Variants in CNBD1 observed in about 807,000 individuals in gnomAD.
CNBD1 encodes cyclic nucleotide binding domain containing 1.
Under a neutral mutation model 54.4 loss-of-function variants are expected in CNBD1, and 71 were observed. That is an observed-to-expected ratio of 1.30 (90% CI 1.08 to 1.59). CNBD1 has a LOEUF of 1.59. CNBD1 is among the 40% of genes most tolerant of loss of function. The pLI is 0.00. For missense variants in CNBD1, 659 were observed against 518.0 expected (o/e 1.27, Z -2.64); for synonymous variants, 182 against 170.7 (o/e 1.07, Z -0.51).
chr8:87,017,015 C>A (rs1809370817), intron 4 of CNBD1, among the ~76,000 whole-genome samples: 1 of 152,050 alleles, frequency 6.6e-6, no homozygotes, highest in Non-Finnish European at 1.5e-5. Context: ...ACATGGGTAC[C>A]CCTCCCACAG....
At chr8:87,022,128 A>G (rs1460257559) in intron 4 of CNBD1, among the ~76,000 whole-genome samples, 2 of 152,192 alleles carry the variant, frequency 1.3e-5, no homozygotes, top group African/African-American at 4.8e-5. Flanking sequence ...AAAAGAATTT[A>G]CTGAAACAGC....
intron 8 of CNBD1, among the ~76,000 whole-genome samples, chr8:87,318,856 A>G (rs1809459047): frequency 6.6e-6 from 1 of 152,088 alleles, no homozygotes; most frequent in South Asian, 2.1e-4. Context: ...ACACCTTAGC[A>G]TACTCTTTCT....
At chr8:87,013,442 GTTTAC>G (rs775242536) in intron 4 of CNBD1, among the ~76,000 whole-genome samples, 19 of 151,996 alleles carry the variant, frequency 1.3e-4, no homozygotes, top group Non-Finnish European at 2.8e-4. Context: ...TTTGTGCACA[GTTTAC>G]TTTCAGAAAA....
Position 87,191,826 on chromosome 8 carries a change from G to A in CNBD1, c.432-14167G>A, listed in dbSNP as rs527377980. Among the ~76,000 whole-genome samples, 27 of 152,282 alleles carry A rather than the reference G, an allele frequency of 1.8e-4. No homozygotes were observed. In the South Asian group the frequency reaches 4.6e-3, roughly 26 times the overall value. On this transcript the variant is annotated intron_variant, in intron 4 of 10. Transcript: ENST00000518476. Reference sequence around the variant, plus strand: ...CTTATAGCTACCTGGCACCAGAAGCGTTTGGGCACAGAAGTGGCATATACT... The same window carrying A: ...CTTATAGCTACCTGGCACCAGAAGCATTTGGGCACAGAAGTGGCATATACT...
At chr8:87,319,695 G>A (rs1028108130) in intron 8 of CNBD1, among the ~76,000 whole-genome samples, 2 of 151,876 alleles carry the variant, frequency 1.3e-5, no homozygotes, top group African/African-American at 4.8e-5. Context: ...CTCAATTTAA[G>A]TTTTTCCTCT....
intron 3 of CNBD1, among the ~76,000 whole-genome samples, chr8:86,918,493 G>T (rs888844562): frequency 1.6e-4 from 25 of 152,056 alleles, no homozygotes; most frequent in Admixed American, 2.0e-4. Flanking sequence ...CATGTGTTGT[G>T]GGGAGGACCT....
rs141494183 is a variant in CNBD1, at chr8:86,978,916, A to G, written c.431+39162A>G. Among the ~76,000 whole-genome samples the G allele has an allele frequency of 2.3e-3, 343 of 152,258 alleles. 1 individual carries two copies. The highest frequency in any genetic ancestry group is 7.9e-3 in the African/African-American group (330 of 41,564). On this transcript the variant is annotated intron_variant, in intron 4 of 10. Coordinates refer to ENST00000518476, the MANE Select transcript of CNBD1 (RefSeq NM_173538.3). The stretch of plus-strand genomic sequence containing the variant: ...TTTTTTCTGGAAAAAAGTATAATCT[A>G]TGCCACAGTCTAGGCATATTTTAAA...
chr8:87,097,197 T>A (rs1236074209), intron 4 of CNBD1, among the ~76,000 whole-genome samples: 1 of 152,234 alleles, frequency 6.6e-6, no homozygotes, highest in East Asian at 1.9e-4. Context: ...CCTGTTTTAA[T>A]CTTGGCTTTG....
intron 4 of CNBD1, among the ~76,000 whole-genome samples, chr8:87,146,309 A>C (rs1023810757): frequency 6.6e-6 from 1 of 152,154 alleles, no homozygotes; most frequent in Non-Finnish European, 1.5e-5. Flanking sequence ...CAAATTATCT[A>C]TACTAGAACT....
intron 2 of CNBD1, among the ~76,000 whole-genome samples, chr8:87,412,044 C>T (rs1807755489): frequency 6.6e-6 from 1 of 151,840 alleles, no homozygotes. Flanking sequence ...CACAAATACC[C>T]TTTTTTGATA....
chr8:87,269,030 G>T (rs1219844859), intron 6 of CNBD1, among the ~76,000 whole-genome samples: 1 of 151,876 alleles, frequency 6.6e-6, no homozygotes, highest in Non-Finnish European at 1.5e-5. Flanking sequence ...TTTCTAGGTT[G>T]TCCTCTAGGG....
At chr8:87,266,398 CA>C (rs1808259079) in intron 6 of CNBD1, among the ~76,000 whole-genome samples, 1 of 116,314 alleles carries the variant, frequency 8.6e-6, no homozygotes. Flanking sequence ...GATATGTAAG[CA>C]ATTCCAAAAA....
intron 2 of CNBD1, among the ~76,000 whole-genome samples, chr8:87,426,753 G>A (rs1011297126): frequency 1.3e-5 from 2 of 152,124 alleles, no homozygotes; most frequent in Non-Finnish European, 2.9e-5. Context: ...AGCACTTAGT[G>A]TGCATAATCA....
At chr8:87,368,994 C>A (rs191638975) in intron 10 of CNBD1, among the ~76,000 whole-genome samples, 5 of 152,098 alleles carry the variant, frequency 3.3e-5, no homozygotes, top group Admixed American at 2.6e-4. Context: ...AGGAATCAAA[C>A]CCTAACACTC....
chr8:87,380,303 C>G (rs192816063), intron 10 of CNBD1, among the ~76,000 whole-genome samples: 1 of 151,688 alleles, frequency 6.6e-6, no homozygotes, highest in Non-Finnish European at 1.5e-5. Context: ...ATTCTTGGCA[C>G]CCTTGTTGAA....
intron 10 of CNBD1, among the ~76,000 whole-genome samples, chr8:87,364,541 A>T (rs1229167129): frequency 1.3e-5 from 2 of 151,950 alleles, no homozygotes; most frequent in Non-Finnish European, 2.9e-5. Context: ...TTTGTTATAT[A>T]GGTAAACTCA....
chr8:87,324,439 C>A (rs538446006), intron 8 of CNBD1, among the ~76,000 whole-genome samples: 2 of 140,150 alleles, frequency 1.4e-5, no homozygotes, highest in Admixed American at 1.4e-4. Flanking sequence ...GTCCTGGGCT[C>A]TTTTTGGTTG....
intron 4 of CNBD1, among the ~76,000 whole-genome samples, chr8:87,022,137 G>C (rs1171391652): frequency 1.3e-5 from 2 of 152,166 alleles, no homozygotes; most frequent in South Asian, 4.1e-4. Flanking sequence ...TACTGAAACA[G>C]CAGTGAGTTA....
At chr8:87,232,039 T>C (rs952187743) in intron 5 of CNBD1, among the ~76,000 whole-genome samples, 8 of 152,178 alleles carry the variant, frequency 5.3e-5, no homozygotes, top group Middle Eastern at 3.2e-3. Context: ...CATGTACCCT[T>C]TTGTGAAAAC....
Sources: gnomAD v4.1 joint callset for allele counts (sites outside exome capture counted in the v4.1 genomes callset) on GRCh38, gnomAD v4.1.1 for gene constraint, MANE v1.5 for transcripts, NCBI Gene and HGNC (gene_info 2026-07-23, HGNC 2026-07-21) for gene names.